The following RMDN2 variants were observed in gnomAD, a reference collection of about 807,000 sequenced individuals.
The protein encoded by RMDN2 is regulator of microtubule dynamics protein 2.
A neutral mutation model predicts 52.8 loss-of-function variants in RMDN2; 61 were observed. That is an observed-to-expected ratio of 1.16 (90% CI 0.94 to 1.43). RMDN2 has a LOEUF of 1.43. RMDN2 is among the 40% of genes most tolerant of loss of function. The pLI, the probability that RMDN2 is intolerant of heterozygous loss-of-function variation, is 0.00. For synonymous variants in RMDN2, 180 were observed against 153.1 expected (o/e 1.18, Z -1.30); for missense variants, 592 against 475.3 (o/e 1.25, Z -2.28).
At chr2:37,942,053 C>A (rs1187691089) in intron 2 of RMDN2, among the ~76,000 whole-genome samples, 2 of 152,160 alleles carry the variant, frequency 1.3e-5, no homozygotes, top group Admixed American at 6.5e-5. Flanking sequence ...AGGAAATCTC[C>A]TGGTCTGTGG....
At chr2:38,060,941 T>A (rs1423930178) in intron 10 of RMDN2, among the ~76,000 whole-genome samples, 2 of 152,142 alleles carry the variant, frequency 1.3e-5, no homozygotes, top group East Asian at 3.9e-4. Context: ...ATAATAAAAC[T>A]TTGACTCAAA....
intron 2 of RMDN2, among the ~76,000 whole-genome samples, chr2:37,938,719 T>A (rs936286459): frequency 6.6e-6 from 1 of 152,226 alleles, no homozygotes; most frequent in African/African-American, 2.4e-5. Context: ...TAGTTTGTAT[T>A]TTTGTGGAAT....
At chr2:37,968,772 C>T (rs999824578) in intron 2 of RMDN2, among the ~76,000 whole-genome samples, 3 of 152,158 alleles carry the variant, frequency 2.0e-5, no homozygotes, top group South Asian at 2.1e-4. Context: ...TTAAGATGAA[C>T]TTCTCTAGAC....
At chr2:37,985,121 G>GT (rs1175393623) in intron 5 of RMDN2, among the ~76,000 whole-genome samples, 10 of 151,822 alleles carry the variant, frequency 6.6e-5, no homozygotes, top group East Asian at 1.9e-4. Context: ...AAATCATGGG[G>GT]TTTTTTTTCC....
intron 10 of RMDN2, among the ~76,000 whole-genome samples, chr2:38,026,677 C>T (rs754658917): frequency 5.3e-5 from 8 of 151,828 alleles, no homozygotes; most frequent in African/African-American, 1.2e-4. Context: ...TAGGTATACA[C>T]GTGCCATGAT....
intron 10 of RMDN2, among the ~76,000 whole-genome samples, chr2:38,060,777 G>A (rs2125307894): frequency 6.6e-6 from 1 of 152,244 alleles, no homozygotes; most frequent in Non-Finnish European, 1.5e-5. Context: ...AAGGGCTGTG[G>A]GGTTAAACAA....
chr2:37,992,067 C>T (rs1429635168), intron 7 of RMDN2, among the ~76,000 whole-genome samples: 1 of 152,090 alleles, frequency 6.6e-6, no homozygotes, highest in Non-Finnish European at 1.5e-5. Context: ...TGCTCTATGC[C>T]AAATATGCAT....
chr2:37,947,605 C>T (rs879693883), intron 2 of RMDN2, among the ~76,000 whole-genome samples: 1 of 152,066 alleles, frequency 6.6e-6, no homozygotes, highest in Non-Finnish European at 1.5e-5. Context: ...ATGAATGTTG[C>T]TGTTACTGTC....
chr2:38,042,063 AC>A (rs1455994455), intron 10 of RMDN2, among the ~76,000 whole-genome samples: 2 of 152,282 alleles, frequency 1.3e-5, no homozygotes, highest in African/African-American at 2.4e-5. Context: ...AACCAGAGAA[AC>A]CATCTGAGTC....
At chr2:37,936,368 C>T in intron 2 of RMDN2, among the ~76,000 whole-genome samples, 1 of 152,210 alleles carries the variant, frequency 6.6e-6, no homozygotes, top group East Asian at 1.9e-4. Flanking sequence ...GTGCGTGTGT[C>T]TTTACAGTAG....
intron 10 of RMDN2, among the ~76,000 whole-genome samples, chr2:38,053,539 C>A (rs1681719124): frequency 2.0e-5 from 3 of 152,136 alleles, no homozygotes; most frequent in Admixed American, 2.0e-4. Flanking sequence ...CTCATCTAGT[C>A]CACAAAACGG....
At chr2:38,049,762 G>A (rs1050461118) in intron 10 of RMDN2, among the ~76,000 whole-genome samples, 1 of 152,062 alleles carries the variant, frequency 6.6e-6, no homozygotes, top group Admixed American at 6.5e-5. Flanking sequence ...TAGAGATGGG[G>A]TCTTGGTATG....
chr2:37,922,572 G>C (rs183923596), upstream of RMDN2, among the ~76,000 whole-genome samples: 3 of 152,288 alleles, frequency 2.0e-5, no homozygotes, highest in East Asian at 5.8e-4. Flanking sequence ...AAGATACAAA[G>C]ATAAATGCTA....
At chr2:38,018,276 G>T (rs145811851), downstream of RMDN2, among the ~76,000 whole-genome samples, 6 of 152,206 alleles carry the variant, frequency 3.9e-5, no homozygotes, top group African/African-American at 1.4e-4. Flanking sequence ...TCTCATACAC[G>T]GTTAGTGAGA....
intron 10 of RMDN2, among the ~76,000 whole-genome samples, chr2:38,041,854 G>T (rs1293972508): frequency 2.0e-5 from 3 of 152,048 alleles, no homozygotes; most frequent in East Asian, 3.9e-4. Flanking sequence ...GATTCAGTTT[G>T]CTTATATCTT....
At chr2:37,955,749 C>T (rs1220181017) in intron 2 of RMDN2, among the ~76,000 whole-genome samples, 2 of 152,076 alleles carry the variant, frequency 1.3e-5, no homozygotes, top group African/African-American at 2.4e-5. Context: ...CTGAGGCCTC[C>T]CCAGCTATGT....
At chr2:38,024,999 CTCTAGGT>C (rs1176534096) in intron 10 of RMDN2, among the ~76,000 whole-genome samples, 7 of 152,132 alleles carry the variant, frequency 4.6e-5, no homozygotes, top group Admixed American at 2.0e-4. Flanking sequence ...GTTTGGACTG[CTCTAGGT>C]TATTTGCATT....
chr2:37,993,764 G>A lies in RMDN2; in HGVS notation c.945+2467G>A, dbSNP rs532610428. Among the ~76,000 whole-genome samples the A allele has an allele frequency of 1.3e-5, 2 of 151,506 alleles. 1 individual carries two copies. The highest frequency in any genetic ancestry group is 3.9e-4 in the East Asian group (2 of 5,148). ...GACTCCAAAAGTACAATGCCTGGTG[G>A]GGGGTGGGGGGGAGATGAACTTAAA... is the stretch of plus-strand genomic sequence containing the variant. On this transcript the variant is annotated intron_variant, in intron 7 of 10. Coordinates refer to ENST00000354545, the MANE Select transcript of RMDN2 (RefSeq NM_001170791.3).
chr2:37,946,316 G>T (rs1340366348), intron 2 of RMDN2, among the ~76,000 whole-genome samples: 1 of 152,038 alleles, frequency 6.6e-6, no homozygotes, highest in African/African-American at 2.4e-5. Context: ...TTTCAGGGAG[G>T]GTGGACTGTA....
Sources: allele counts gnomAD v4.1 joint callset (sites outside exome capture counted in the v4.1 genomes callset), GRCh38; gene constraint gnomAD v4.1.1; transcripts MANE v1.5; gene names NCBI Gene and HGNC (gene_info 2026-07-23, HGNC 2026-07-21).